Variants in SLC24A2 observed in about 807,000 individuals in gnomAD.
SLC24A2 encodes the protein sodium/potassium/calcium exchanger 2.
SLC24A2 carries 36 observed loss-of-function variants against 62.0 expected under a neutral mutation model. The observed-to-expected ratio is 0.58, with a 90% confidence interval of 0.44 to 0.77. The LOEUF is 0.77. Among genes scored for constraint, SLC24A2 ranks in the 30% least tolerant of loss-of-function variants. The pLI, the probability that SLC24A2 is intolerant of heterozygous loss-of-function variation, is 0.00. For synonymous variants in SLC24A2, 358 were observed against 294.0 expected, an observed-to-expected ratio of 1.22 and a Z score of -2.23; for missense variants, 846 against 817.9, an observed-to-expected ratio of 1.03 and a Z score of -0.42.
At chr9:20,231,451 T>A in the SLC24A2 span, among the ~76,000 whole-genome samples, 15 of 152,314 alleles carry the variant, frequency 9.8e-5, no homozygotes, top group African/African-American at 3.1e-4. Flanking sequence ...GTCCTTCACA[T>A]CCCTTTTAAG....
At chr9:19,690,267 C>T (rs2118458112) in intron 2 of SLC24A2, among the ~76,000 whole-genome samples, 1 of 152,238 alleles carries the variant, frequency 6.6e-6, no homozygotes, top group African/African-American at 2.4e-5. Flanking sequence ...TACACCCTTT[C>T]TCCTACTGTG....
chr9:19,953,600 A>G, the SLC24A2 span, among the ~76,000 whole-genome samples: 1 of 152,080 alleles, frequency 6.6e-6, no homozygotes, highest in Admixed American at 6.5e-5. Context: ...AAAGAAACCT[A>G]CAAAATTCCA....
At chr9:20,107,866 G>A in the SLC24A2 span, among the ~76,000 whole-genome samples, 1 of 152,126 alleles carries the variant, frequency 6.6e-6, no homozygotes, top group African/African-American at 2.4e-5. Context: ...AACCTAAAGA[G>A]CTTCAGCACA....
chr9:20,169,780 C>A, the SLC24A2 span, among the ~76,000 whole-genome samples: 2 of 151,622 alleles, frequency 1.3e-5, no homozygotes, highest in African/African-American at 2.4e-5. Flanking sequence ...TTCTTTGACA[C>A]CCCCCCAAAA....
chr9:19,524,137 C>CAAAAAAAAAAA (rs57173482), intron 9 of SLC24A2, among the ~76,000 whole-genome samples: 1 of 84,712 alleles, frequency 1.2e-5, no homozygotes, highest in Non-Finnish European at 2.1e-5. Context: ...ACTTCATTTT[C>CAAAAAAAAAAA]AAAAAAAAAA....
intron 8 of SLC24A2, among the ~76,000 whole-genome samples, chr9:19,544,610 T>G (rs374127811): frequency 1.3e-5 from 2 of 152,192 alleles, no homozygotes; most frequent in African/African-American, 4.8e-5. Flanking sequence ...CAGGAGCTCT[T>G]GTAAGGCAGG....
chr9:20,075,227 G>A, the SLC24A2 span, among the ~76,000 whole-genome samples: 2 of 152,168 alleles, frequency 1.3e-5, no homozygotes, highest in Non-Finnish European at 2.9e-5. Flanking sequence ...GTCAGCCAGT[G>A]AGCAATTAGT....
At chr9:20,172,761 C>G in the SLC24A2 span, among the ~76,000 whole-genome samples, 1 of 151,956 alleles carries the variant, frequency 6.6e-6, no homozygotes, top group Non-Finnish European at 1.5e-5. Flanking sequence ...ATGAATTCTA[C>G]CAGACATTCG....
chr9:19,882,974 A>AT, the SLC24A2 span, among the ~76,000 whole-genome samples: 6 of 152,258 alleles, frequency 3.9e-5, no homozygotes, highest in East Asian at 1.9e-4. Flanking sequence ...CTGACTAAAC[A>AT]TTTTTTTAGC....
the SLC24A2 span, among the ~76,000 whole-genome samples, chr9:19,797,695 G>T: frequency 6.6e-6 from 1 of 152,172 alleles, no homozygotes; most frequent in Non-Finnish European, 1.5e-5. Context: ...GAGGCTAGGG[G>T]ACTTTATTAT....
the SLC24A2 span, among the ~76,000 whole-genome samples, chr9:19,932,189 G>T: frequency 6.6e-6 from 1 of 152,166 alleles, no homozygotes; most frequent in Non-Finnish European, 1.5e-5. Context: ...AATAGTCAAA[G>T]TTGTAAGAAA....
chr9:20,149,539 T>G, the SLC24A2 span, among the ~76,000 whole-genome samples: 123,936 of 151,774 alleles, frequency 0.82, 51,843 homozygotes, highest in Non-Finnish European at 0.92. Flanking sequence ...CTATAAAGTT[T>G]CCATTGTGGC....
the SLC24A2 span, among the ~76,000 whole-genome samples, chr9:20,047,529 A>T: frequency 6.8e-6 from 1 of 148,064 alleles, no homozygotes; most frequent in African/African-American, 2.5e-5. Flanking sequence ...TTTATTTCTT[A>T]TGTTTCTGAA....
At chr9:19,800,684 T>A in the SLC24A2 span, among the ~76,000 whole-genome samples, 89 of 152,302 alleles carry the variant, frequency 5.8e-4, no homozygotes, top group Non-Finnish European at 1.2e-3. Context: ...AGCTGCCTAA[T>A]ATTTTATCTC....
chr9:20,263,304 C>T, the SLC24A2 span, among the ~76,000 whole-genome samples: 4 of 152,138 alleles, frequency 2.6e-5, no homozygotes, highest in Admixed American at 1.3e-4. Context: ...CCAGGCTGGC[C>T]TTCAGTGATG....
At chr9:20,081,951 T>C in the SLC24A2 span, among the ~76,000 whole-genome samples, 10 of 152,194 alleles carry the variant, frequency 6.6e-5, no homozygotes, top group African/African-American at 1.9e-4. Flanking sequence ...TCAGCCCTGA[T>C]ATGTACTACT....
At chr9:20,268,149 C>T in the SLC24A2 span, among the ~76,000 whole-genome samples, 1 of 152,166 alleles carries the variant, frequency 6.6e-6, no homozygotes, top group African/African-American at 2.4e-5. Context: ...ATGTGGGAAG[C>T]ATGGCTTAGG....
intron 2 of SLC24A2, among the ~76,000 whole-genome samples, chr9:19,641,909 C>A (rs1262924470): frequency 1.3e-5 from 2 of 152,126 alleles, no homozygotes; most frequent in Non-Finnish European, 2.9e-5. Flanking sequence ...TCCAATCCAC[C>A]AGCAAATCCT....
chr9:19,631,843 C>T (rs17491430), intron 2 of SLC24A2, among the ~76,000 whole-genome samples: 4,122 of 152,268 alleles, frequency 0.027, 82 homozygotes, highest in Non-Finnish European at 0.042. Flanking sequence ...CACTGCTGTA[C>T]GGGTCCTTTA....
Sources: allele counts gnomAD v4.1 joint callset (sites outside exome capture counted in the v4.1 genomes callset), GRCh38; gene constraint gnomAD v4.1.1; transcripts MANE v1.5; gene names NCBI Gene and HGNC (gene_info 2026-07-23, HGNC 2026-07-21).